C20orf203: variants seen among roughly 807,000 people sequenced by gnomAD.
The protein encoded by C20orf203 is uncharacterized protein C20orf203.
Under a neutral mutation model 15.9 loss-of-function variants are expected in C20orf203, and 16 were observed. The observed-to-expected ratio is 1.01, with a 90% confidence interval of 0.68 to 1.53. The LOEUF (loss-of-function observed/expected upper bound fraction) is 1.53. C20orf203 is among the 40% of genes most tolerant of loss of function. C20orf203 has a pLI of 0.00. For synonymous variants in C20orf203, 98 were observed against 97.2 expected, an observed-to-expected ratio of 1.01 and a Z score of -0.05; for missense variants, 263 against 247.5, an observed-to-expected ratio of 1.06 and a Z score of -0.42.
At chr20:32,671,086 T>C in intron 1 of C20orf203, among the ~76,000 whole-genome samples, 1 of 150,824 alleles carries the variant, frequency 6.6e-6, no homozygotes, top group East Asian at 1.9e-4. Context: ...TTAGTGGGAA[T>C]GTTAAATGGT....
intron 4 of C20orf203, among the ~76,000 whole-genome samples, chr20:32,641,049 T>G (rs1176184372): frequency 6.6e-6 from 1 of 152,176 alleles, no homozygotes; most frequent in Non-Finnish European, 1.5e-5. Context: ...CTGGGTGTGG[T>G]GGCTCATGCT....
At chr20:32,662,942 TATAA>T (rs1044573021) in intron 1 of C20orf203, among the ~76,000 whole-genome samples, 5 of 143,666 alleles carry the variant, frequency 3.5e-5, no homozygotes, top group African/African-American at 1.3e-4. Flanking sequence ...GATAGATAGA[TATAA>T]ATATAGTTTT....
intron 1 of C20orf203, among the ~76,000 whole-genome samples, chr20:32,659,219 C>T (rs974962017): frequency 6.6e-6 from 1 of 151,862 alleles, no homozygotes; most frequent in Non-Finnish European, 1.5e-5. Context: ...AGCTGCTGCA[C>T]AGCCGACCCC....
intron 1 of C20orf203, among the ~76,000 whole-genome samples, chr20:32,669,174 G>T (rs946951972): frequency 3.9e-5 from 6 of 152,214 alleles, no homozygotes; most frequent in Non-Finnish European, 1.5e-5. Flanking sequence ...CTGTGATGCA[G>T]GCAAGGGGCT....
chr20:32,645,134 G>A (rs1177474890), intron 4 of C20orf203, among the ~76,000 whole-genome samples: 1 of 152,170 alleles, frequency 6.6e-6, no homozygotes, highest in Non-Finnish European at 1.5e-5. Context: ...GGCCCACACT[G>A]TGGATGGAGA....
intron 1 of C20orf203, 147 bp from the exon 2 acceptor site, chr20:32,652,128 A>T (rs1982644203): frequency 6.6e-6 from 1 of 151,964 alleles, no homozygotes; most frequent in South Asian, 2.1e-4. Flanking sequence ...GGCCAACACA[A>T]CAAAACCTCG....
chr20:32,662,918 G>T (rs1343109500), intron 1 of C20orf203, among the ~76,000 whole-genome samples: 2 of 133,982 alleles, frequency 1.5e-5, no homozygotes, highest in Non-Finnish European at 3.1e-5. Context: ...GGAACAGCTA[G>T]ATATATATAT....
At chr20:32,658,641 T>C (rs542725072) in intron 1 of C20orf203, among the ~76,000 whole-genome samples, 3 of 152,312 alleles carry the variant, frequency 2.0e-5, no homozygotes, top group Admixed American at 2.0e-4. Context: ...TTTTTGTTAC[T>C]GCAATGGATA....
intron 1 of C20orf203, among the ~76,000 whole-genome samples, chr20:32,656,014 G>A (rs1203860192): frequency 6.6e-6 from 1 of 152,286 alleles, no homozygotes; most frequent in Non-Finnish European, 1.5e-5. Flanking sequence ...TCTGAAGGAG[G>A]CTGGCAGTGC....
intron 1 of C20orf203, among the ~76,000 whole-genome samples, chr20:32,670,410 G>T (rs1407816850): frequency 6.6e-6 from 1 of 151,544 alleles, no homozygotes; most frequent in Non-Finnish European, 1.5e-5. Flanking sequence ...GGAGGCTGAG[G>T]CAGGGAGAAT....
intron 1 of C20orf203, among the ~76,000 whole-genome samples, chr20:32,667,314 T>TG (rs1279803003): frequency 2.0e-5 from 3 of 152,220 alleles, no homozygotes; most frequent in African/African-American, 7.2e-5. Flanking sequence ...GGCTGCTGCC[T>TG]GGAGGGCTTC....
intron 1 of C20orf203, among the ~76,000 whole-genome samples, chr20:32,672,900 C>A (rs1164118620): frequency 6.6e-6 from 1 of 152,208 alleles, no homozygotes; most frequent in Non-Finnish European, 1.5e-5. Flanking sequence ...TGCATCTAAA[C>A]AGACCCAGCA....
chr20:32,639,041 G>A (rs896473474), intron 5 of C20orf203, among the ~76,000 whole-genome samples: 1 of 152,210 alleles, frequency 6.6e-6, no homozygotes, highest in African/African-American at 2.4e-5. Flanking sequence ...CAGAGGGAGG[G>A]TACAAGCCCC....
chr20:32,651,023 T>C lies in C20orf203; in HGVS notation c.130A>G (p.Ser44Gly). 6.7e-7 allele frequency: 1 copy of C among 1,494,284 alleles called. No individual in the cohort carries two copies. Among genetic ancestry groups the C allele is most frequent in the Non-Finnish European group, 8.9e-7 (1 of 1,117,938 alleles). 92.6% of individuals were successfully genotyped at this position (1,494,284 alleles called of 1,614,324 possible). A position where few individuals can be genotyped will look rare whatever the true frequency, so the allele number is the denominator to read the frequency against. The change falls in exon 3 of 6, where the codon AGC (serine) becomes GGC (glycine). Residue 44 changes from serine (S) to glycine (G), a missense_variant. By Grantham distance (56) the Ser-to-Gly change is moderately conservative (BLOSUM62 0). Transcript: ENST00000608990. ...SFPFTKTGML[S>G]RATSVLAGLT... The stretch of plus-strand genomic sequence containing the variant: ...ACAGGGACAGCACTTCTTACCCGGC[T>C]CAGCATTCCAGTTTTTGTAAAGGGA...
intron 1 of C20orf203, among the ~76,000 whole-genome samples, chr20:32,659,405 A>G (rs761472942): frequency 1.3e-5 from 2 of 152,014 alleles, no homozygotes; most frequent in African/African-American, 2.4e-5. Flanking sequence ...CTCAATGAAC[A>G]CTCTCTACGC....
At position 32,666,797 on chromosome 20, in the gene C20orf203, T is replaced by TTTTATATATATATA. The variant is rs367964394; in HGVS notation, c.-264+6834_-264+6835insTATATATATATAAA. ...AAAAAAAGATGAAATTAATTTTAAT[T>TTTTATATATATATA]TATATATATATATATATATATATAT... On this transcript the variant is annotated intron_variant, in intron 1 of 5. Transcript: ENST00000608990. Among the ~76,000 whole-genome samples, 200 of 65,606 alleles carry TTTTATATATATATA rather than the reference T, an allele frequency of 3.0e-3. 17 individuals carry two copies. Among genetic ancestry groups the TTTTATATATATATA allele is most frequent in the South Asian group, 5.6e-3 (8 of 1,426 alleles). 43.0% of individuals were successfully genotyped at this position (65,606 alleles called of 152,430 possible). A position where few individuals can be genotyped will look rare whatever the true frequency, so the allele number is the denominator to read the frequency against.
chr20:32,667,159 A>G (rs986793887), intron 1 of C20orf203, among the ~76,000 whole-genome samples: 1 of 152,044 alleles, frequency 6.6e-6, no homozygotes, highest in Non-Finnish European at 1.5e-5. Context: ...GAGCACAGTG[A>G]GTAAAGGGGA....
intron 4 of C20orf203, among the ~76,000 whole-genome samples, chr20:32,641,302 T>A (rs1295342561): frequency 3.1e-5 from 4 of 130,712 alleles, no homozygotes; most frequent in African/African-American, 1.2e-4. Context: ...GCTATTGCAC[T>A]CCAGCCTGGG....
intron 4 of C20orf203, among the ~76,000 whole-genome samples, chr20:32,644,579 C>T (rs1982371611): frequency 6.6e-6 from 1 of 152,106 alleles, no homozygotes; most frequent in Admixed American, 6.6e-5. Flanking sequence ...CTGGGGGCAC[C>T]TGCAGGGGAG....
Sources: allele counts gnomAD v4.1 joint callset (sites outside exome capture counted in the v4.1 genomes callset), GRCh38; gene constraint gnomAD v4.1.1; transcripts MANE v1.5; gene names NCBI Gene and HGNC (gene_info 2026-07-23, HGNC 2026-07-21).